LDHA: variants seen among roughly 807,000 people sequenced by gnomAD.
LDHA encodes the protein L-lactate dehydrogenase A chain.
A neutral mutation model predicts 36.3 loss-of-function variants in LDHA; 10 were observed. The observed-to-expected ratio is 0.28, with a 90% CI of 0.17 to 0.47. The LOEUF is 0.47. Ranked by LOEUF, LDHA falls within the 20% of genes least tolerant of loss-of-function variation. The pLI is 0.99. For synonymous variants in LDHA, 110 were observed against 136.7 expected (o/e 0.80, Z 1.36); for missense variants, 267 against 405.8 (o/e 0.66, Z 2.94).
At chr11:18,405,687 T>A in intron 7 of LDHA, 115 bp downstream of exon 7, 1 of 1,179,260 alleles carries the variant, frequency 8.5e-7, no homozygotes, top group Non-Finnish European at 1.3e-6. Flanking sequence ...TGAAATAAAT[T>A]AATGTACCCA....
chr11:18,397,233 C>A, intron 2 of LDHA: 1 of 295,944 alleles, frequency 3.4e-6, no homozygotes, highest in Non-Finnish European at 6.2e-6. Flanking sequence ...GATTGACTAC[C>A]AATGAAAAGG....
At chr11:18,401,720 G>T (rs538097303) in intron 4 of LDHA, among the ~76,000 whole-genome samples, 1 of 144,940 alleles carries the variant, frequency 6.9e-6, no homozygotes, top group Non-Finnish European at 1.5e-5. Context: ...CTCGTGATCT[G>T]CCCGCCTTGG....
chr11:18,408,264 T>C lies in LDHA; in HGVS notation c.*983T>C. 2.2e-6 allele frequency: 1 copy of C among 451,054 alleles called. No individual in the cohort carries two copies. Among genetic ancestry groups the C allele is most frequent in the South Asian group, 1.6e-5 (1 of 63,846 alleles). 27.9% of individuals were successfully genotyped at this position (451,054 alleles called of 1,614,324 possible). A position where few individuals can be genotyped will look rare whatever the true frequency, so the allele number is the denominator to read the frequency against. The stretch of plus-strand genomic sequence containing the variant: ...ATCCCAGCACTTTGGGAAGCCCAGG[T>C]GGGCTGATCACTGGAGGCCAGGAAT... On this transcript the variant is annotated 3_prime_UTR_variant, in exon 8 of 8. Transcript: ENST00000422447.
intron 6 of LDHA, among the ~76,000 whole-genome samples, chr11:18,404,588 C>G (rs1030265372): frequency 6.6e-6 from 1 of 151,808 alleles, no homozygotes; most frequent in African/African-American, 2.4e-5. Context: ...GCAGGCAGAT[C>G]ACGAGGTCAG....
chr11:18,403,776 A>G lies in LDHA; in HGVS notation c.675A>G (p.Glu225=). The G allele has an allele frequency of 1.2e-6, 2 of 1,608,512 alleles. No homozygotes were observed. The highest frequency in any genetic ancestry group is 1.7e-5 in the Admixed American group (1 of 60,030). The change falls in exon 6 of 8, where the codon GAA becomes GAG. Residue 225 remains glutamate, a synonymous_variant. Transcript: ENST00000422447. The stretch of plus-strand genomic sequence containing the variant: ...ATTTAGGGACTGATAAAGATAAGGA[A>G]CAGTGGAAAGAGGTTCACAAGCAGG... The part of the protein sequence containing the change: ...HPDLGTDKDK[E]QWKEVHKQVV...
intron 4 of LDHA, 97 bp from the exon 5 acceptor site, chr11:18,402,743 C>G: frequency 1.1e-6 from 1 of 915,028 alleles, no homozygotes. Context: ...CTAATGATCA[C>G]CTAGTATCTG....
chr11:18,396,179 A>T lies in LDHA; in HGVS notation c.-24-640A>T, dbSNP rs183105832. The T allele has an allele frequency of 2.6e-3, 541 of 207,242 alleles. 7 individuals carry two copies. The highest frequency in any genetic ancestry group is 0.012 in the African/African-American group (519 of 43,918). The allele number at this position is 207,242 out of a possible 1,614,324, so 12.8% of individuals were successfully genotyped here. A position where few individuals can be genotyped will look rare whatever the true frequency, so the allele number is the denominator to read the frequency against. ...CCGATGCCCGCTTCCCAACGGCCGG[A>T]GGCCGCTAGACTAATCGGCTTCGCC... On this transcript the variant is annotated intron_variant, in intron 1 of 7. Coordinates refer to ENST00000422447, the MANE Select transcript of LDHA (RefSeq NM_005566.4).
chr11:18,394,704 G>A, intron 1 of LDHA, 68 bp downstream of exon 1: 1 of 449,954 alleles, frequency 2.2e-6, no homozygotes, highest in South Asian at 1.6e-5. Flanking sequence ...CTCTGGTTCT[G>A]CTGGCCTCCG....
chr11:18,401,677 T>G (rs762662444), intron 4 of LDHA, among the ~76,000 whole-genome samples: 1 of 150,174 alleles, frequency 6.7e-6, no homozygotes, highest in East Asian at 2.0e-4. Flanking sequence ...CGGGGTTTCA[T>G]CAGGTTAGCC....
chr11:18,396,587 T>C, intron 1 of LDHA: 1 of 1,383,086 alleles, frequency 7.2e-7, no homozygotes, highest in Non-Finnish European at 9.3e-7. Context: ...CACCCAAACG[T>C]CGATATTCCT....
intron 3 of LDHA, 87 bp downstream of exon 3, chr11:18,399,635 G>A (rs1376113293): frequency 5.0e-6 from 5 of 997,866 alleles, no homozygotes; most frequent in Non-Finnish European, 8.0e-6. Context: ...AGGGTAGAGT[G>A]CAGTTGCACA....
intron 1 of LDHA, chr11:18,395,089 C>A (rs774609712): frequency 1.5e-4 from 28 of 186,896 alleles, no homozygotes; most frequent in Admixed American, 3.2e-4. Context: ...CTGAGTACCA[C>A]GCGGCTTGCA....
In LDHA at chr11:18,403,774, GA is replaced by G. The variant is rs751851558; in HGVS notation, c.675del (p.Glu225AspfsTer17). The G allele has an allele frequency of 2.5e-6, 4 of 1,608,820 alleles. No homozygotes were observed. The highest frequency in any genetic ancestry group is 3.4e-6 in the Non-Finnish European group (4 of 1,175,198). ...AGATTTAGGGACTGATAAAGATAAG[GA>G]ACAGTGGAAAGAGGTTCACAAGCAG... Reference protein sequence around the residue: ...HPDLGTDKDKEQWKEVHKQVV... With the variant: ...HPDLGTDKDKXQWKEVHKQVV... On this transcript the variant is annotated frameshift_variant, in exon 6 of 8. Coordinates refer to ENST00000422447, the MANE Select transcript of LDHA (RefSeq NM_005566.4). LOFTEE classifies it high-confidence loss of function.
At chr11:18,401,955 C>CTCTCTTTTTGTTTTTTT (rs59534512) in intron 4 of LDHA, among the ~76,000 whole-genome samples, 1 of 52,258 alleles carries the variant, frequency 1.9e-5, no homozygotes, top group Non-Finnish European at 3.8e-5. Flanking sequence ...TTGTTATTCT[C>CTCTCTTTTTGTTTTTTT]TTTTTTTTTT....
chr11:18,402,628 G>A (rs1473734620), intron 4 of LDHA: 25 of 521,144 alleles, frequency 4.8e-5, no homozygotes, highest in Non-Finnish European at 8.7e-5. Flanking sequence ...TAATGGACTT[G>A]ATATACATAG....
At chr11:18,396,779 A>G in intron 1 of LDHA, 40 bp from the exon 2 acceptor site, 1 of 1,528,546 alleles carries the variant, frequency 6.5e-7, no homozygotes, top group Non-Finnish European at 8.8e-7. Context: ...AATAAACATT[A>G]AAGAAGCTGT....
intron 4 of LDHA, among the ~76,000 whole-genome samples, chr11:18,401,947 GTTA>G: frequency 1.8e-5 from 1 of 54,992 alleles, no homozygotes; most frequent in African/African-American, 4.8e-5. Context: ...GTGAATAATT[GTTA>G]TTCTCTTTTT....
At chr11:18,394,739 C>T (rs1183594285) in intron 1 of LDHA, 103 bp downstream of exon 1, 1 of 444,580 alleles carries the variant, frequency 2.2e-6, no homozygotes, top group Non-Finnish European at 4.5e-6. Context: ...ATTCCTGCTC[C>T]CGGGAGGTGT....
intron 7 of LDHA, 32 bp from the exon 8 acceptor site, chr11:18,407,083 ATG>A (rs761781727): frequency 6.8e-5 from 99 of 1,465,040 alleles, no homozygotes; most frequent in Non-Finnish European, 8.4e-5. Flanking sequence ...CATAGACAAA[ATG>A]TGAGATTTTT....
Sources: allele counts gnomAD v4.1 joint callset (sites outside exome capture counted in the v4.1 genomes callset), GRCh38; gene constraint gnomAD v4.1.1; transcripts MANE v1.5; gene names NCBI Gene and HGNC (gene_info 2026-07-23, HGNC 2026-07-21).